Variants in ATP8A1 observed in about 807,000 individuals in gnomAD.
ATP8A1 encodes ATPase phospholipid transporting 8A1, also known as phospholipid-transporting ATPase IA.
ATP8A1 carries 90 observed loss-of-function variants against 177.7 expected under a neutral mutation model. The ratio of observed to expected loss-of-function variants is 0.51; its 90% CI spans 0.43 to 0.60. The LOEUF (loss-of-function observed/expected upper bound fraction) is 0.60. Among genes scored for constraint, ATP8A1 ranks in the 20% least tolerant of loss-of-function variants. ATP8A1 has a pLI of 0.00. For missense variants in ATP8A1, 1,072 were observed against 1,392.8 expected, an observed-to-expected ratio of 0.77 and a Z score of 3.67; for synonymous variants, 493 against 485.9, an observed-to-expected ratio of 1.01 and a Z score of -0.19.
intron 11 of ATP8A1, among the ~76,000 whole-genome samples, chr4:42,578,962 T>C (rs754710175): frequency 8.6e-5 from 13 of 152,024 alleles, no homozygotes; most frequent in Admixed American, 3.9e-4. Context: ...ACTGAAATAA[T>C]AAATCAGTAA....
chr4:42,487,603 G>T (rs1197244809), intron 24 of ATP8A1, among the ~76,000 whole-genome samples: 1 of 151,720 alleles, frequency 6.6e-6, no homozygotes, highest in Non-Finnish European at 1.5e-5. Context: ...TATGTTCATG[G>T]GATTTACAAT....
chr4:42,635,233 A>C (rs751517015), intron 1 of ATP8A1, among the ~76,000 whole-genome samples: 2 of 152,000 alleles, frequency 1.3e-5, no homozygotes, highest in Non-Finnish European at 2.9e-5. Context: ...GGTAGGAGGG[A>C]GACAAGAACA....
At chr4:42,632,105 C>T (rs1345753392) in intron 1 of ATP8A1, among the ~76,000 whole-genome samples, 3 of 152,134 alleles carry the variant, frequency 2.0e-5, no homozygotes, top group Non-Finnish European at 4.4e-5. Context: ...ATTCATACAC[C>T]TATCACTTTG....
chr4:42,486,308 T>C (rs1382250922), intron 24 of ATP8A1, among the ~76,000 whole-genome samples: 1 of 152,126 alleles, frequency 6.6e-6, no homozygotes, highest in Non-Finnish European at 1.5e-5. Context: ...AAAACACTTT[T>C]AAATAAGGAA....
chr4:42,591,953 T>A (rs1211718832), intron 6 of ATP8A1, among the ~76,000 whole-genome samples: 2 of 152,168 alleles, frequency 1.3e-5, no homozygotes, highest in Non-Finnish European at 2.9e-5. Context: ...GATAGTAAAT[T>A]AGGAGTATTC....
intron 27 of ATP8A1, among the ~76,000 whole-genome samples, chr4:42,457,966 AT>A (rs1718674317): frequency 6.6e-6 from 1 of 152,112 alleles, no homozygotes; most frequent in Admixed American, 6.5e-5. Context: ...TATTTCCTGG[AT>A]TTTTAAGGGT....
At chr4:42,613,877 C>T (rs925887489) in intron 5 of ATP8A1, among the ~76,000 whole-genome samples, 6 of 141,978 alleles carry the variant, frequency 4.2e-5, no homozygotes, top group African/African-American at 1.5e-4. Context: ...AGCCGCCCCG[C>T]CTGGCCTCAT....
At chr4:42,455,652 T>C in intron 27 of ATP8A1, 53 bp from the exon 28 acceptor site, 1 of 1,523,354 alleles carries the variant, frequency 6.6e-7, no homozygotes, top group East Asian at 2.3e-5. Context: ...CATAAATGCA[T>C]TGCTTAGAAT....
chr4:42,521,522 T>C (rs1414541104), intron 22 of ATP8A1, among the ~76,000 whole-genome samples: 1 of 152,246 alleles, frequency 6.6e-6, no homozygotes, highest in South Asian at 2.1e-4. Flanking sequence ...GCATCGATCA[T>C]AATGTATCCA....
chr4:42,606,832 T>C (rs1177270444), intron 5 of ATP8A1, among the ~76,000 whole-genome samples: 2 of 152,178 alleles, frequency 1.3e-5, no homozygotes, highest in Admixed American at 6.5e-5. Flanking sequence ...TCCGGGGCAT[T>C]TGAGTTTGTA....
At chr4:42,567,433 G>A (rs912847521) in intron 15 of ATP8A1, among the ~76,000 whole-genome samples, 1 of 152,154 alleles carries the variant, frequency 6.6e-6, no homozygotes, top group Non-Finnish European at 1.5e-5. Context: ...CAGCTACTCG[G>A]GAGGCTGAGG....
intron 6 of ATP8A1, among the ~76,000 whole-genome samples, chr4:42,595,294 G>A (rs572013546): frequency 6.6e-6 from 1 of 152,264 alleles, no homozygotes; most frequent in East Asian, 1.9e-4. Flanking sequence ...ACAGAATAGT[G>A]TCTTTTGTGG....
chr4:42,578,379 C>T lies in ATP8A1; in HGVS notation c.1009G>A (p.Ala337Thr), dbSNP rs750522059. 4 of 1,611,144 alleles carry T rather than the reference C, an allele frequency of 2.5e-6. No homozygotes were observed. The highest frequency in any genetic ancestry group is 2.2e-5 in the South Asian group (2 of 90,542). ...DWYLNLNYGGASNFGLNFLTF... is the reference protein window; with the variant it reads ...DWYLNLNYGGTSNFGLNFLTF... Reference sequence around the variant, plus strand: ...AAGAAATTCAGTCCAAAATTACTAGCGCCACCATCTGTTGGGAGAGGCAGG... The same window carrying T: ...AAGAAATTCAGTCCAAAATTACTAGTGCCACCATCTGTTGGGAGAGGCAGG... Residue 337 changes from alanine (A) to threonine (T), a missense_variant, in exon 12 of 37, where the codon GCT (alanine) becomes ACT (threonine). Around this residue, in one of 5 missense-constraint regions of ATP8A1, gnomAD observed 20 missense variants for 51.3 expected, o/e 0.39. Coordinates refer to ENST00000381668, the MANE Select transcript of ATP8A1 (RefSeq NM_006095.2).
intron 19 of ATP8A1, among the ~76,000 whole-genome samples, chr4:42,548,154 C>T (rs1319560109): frequency 6.6e-6 from 1 of 152,158 alleles, no homozygotes; most frequent in Admixed American, 6.5e-5. Flanking sequence ...TGCTTTCTGT[C>T]CTTTCCTAAC....
chr4:42,490,552 A>C (rs1463781271), intron 24 of ATP8A1, among the ~76,000 whole-genome samples: 1 of 152,086 alleles, frequency 6.6e-6, no homozygotes, highest in Non-Finnish European at 1.5e-5. Flanking sequence ...TAGCAGAAAG[A>C]ATTCCCTCAA....
intron 33 of ATP8A1, among the ~76,000 whole-genome samples, chr4:42,442,658 A>G (rs977944677): frequency 6.6e-6 from 1 of 152,254 alleles, no homozygotes; most frequent in Non-Finnish European, 1.5e-5. Flanking sequence ...TAATTTATAA[A>G]AAGCAGGATG....
At chr4:42,592,039 A>G (rs917079725) in intron 6 of ATP8A1, among the ~76,000 whole-genome samples, 2 of 152,138 alleles carry the variant, frequency 1.3e-5, no homozygotes, top group South Asian at 2.1e-4. Context: ...TACCTATTTC[A>G]TGAGGTTAAT....
chr4:42,443,899 C>T (rs1716918905), intron 32 of ATP8A1, among the ~76,000 whole-genome samples: 1 of 152,112 alleles, frequency 6.6e-6, no homozygotes, highest in Admixed American at 6.6e-5. Context: ...ACTGTTCCTC[C>T]TCTAGCTTTT....
At chr4:42,625,393 C>A (rs1737954434) in intron 3 of ATP8A1, 1 of 394,404 alleles carries the variant, frequency 2.5e-6, no homozygotes, top group South Asian at 6.7e-5. Flanking sequence ...ATGAACAGTC[C>A]TTGCCACATC....
Sources: allele counts gnomAD v4.1 joint callset (sites outside exome capture counted in the v4.1 genomes callset), GRCh38; gene constraint gnomAD v4.1.1; regional missense constraint gnomAD v4.1.1; transcripts MANE v1.5; gene names NCBI Gene and HGNC (gene_info 2026-07-23, HGNC 2026-07-21).